ABCA4: variants seen among roughly 807,000 people sequenced by gnomAD.
The protein encoded by ABCA4 is ATP binding cassette subfamily A member 4.
A neutral mutation model predicts 263.7 loss-of-function variants in ABCA4; 196 were observed. The ratio of observed to expected loss-of-function variants is 0.74; its 90% CI spans 0.66 to 0.84. The LOEUF (loss-of-function observed/expected upper bound fraction) is 0.84, where lower values mean the gene tolerates loss of function less well. Ranked by LOEUF, ABCA4 falls within the 40% of genes least tolerant of loss-of-function variation. The pLI is 0.00. For synonymous variants in ABCA4, 1,133 were observed against 1,094.2 expected, an observed-to-expected ratio of 1.04 and a Z score of -0.70; for missense variants, 2,792 against 2,855.1, an observed-to-expected ratio of 0.98 and a Z score of 0.50.
Position 94,009,700 on chromosome 1 carries a change from T to G in ABCA4, c.5715-829A>C, listed in dbSNP as rs181629780. ...ACCTTCTGGAAGCCAGGGACTATGG[T>G]GTACTTCTCTGGTCCTCTTTAGGCC... is the stretch of plus-strand genomic sequence containing the variant. On this transcript the variant is annotated intron_variant, in intron 40 of 49. Transcript: ENST00000370225. 4.6e-5 allele frequency among the ~76,000 whole-genome samples: 7 copies of G among 152,302 alleles called. No homozygotes were observed. The East Asian group carries it at 1.4e-3, about 29-fold the overall frequency.
intron 6 of ABCA4, among the ~76,000 whole-genome samples, chr1:94,094,137 G>A (rs1198509110): frequency 6.6e-6 from 1 of 152,102 alleles, no homozygotes; most frequent in Admixed American, 6.5e-5. Flanking sequence ...TGTAGCTGTG[G>A]GGGCTTTCCC....
intron 30 of ABCA4, among the ~76,000 whole-genome samples, chr1:94,025,929 A>G (rs1286908700): frequency 6.6e-6 from 1 of 152,224 alleles, no homozygotes; most frequent in Non-Finnish European, 1.5e-5. Flanking sequence ...TTGATTTGTG[A>G]CATTAATGAA....
intron 38 of ABCA4, among the ~76,000 whole-genome samples, 172 bp downstream of exon 38, chr1:94,014,359 GAGGAAGGAAGGA>G (rs1659660267): frequency 7.0e-6 from 1 of 143,152 alleles, no homozygotes; most frequent in African/African-American, 2.9e-5. Flanking sequence ...AAGAAGGAAA[GAGGAAGGAAGGA>G]TGGGAGGAAG....
At chr1:94,009,975 C>T (rs1428733332) in intron 40 of ABCA4, among the ~76,000 whole-genome samples, 1 of 152,234 alleles carries the variant, frequency 6.6e-6, no homozygotes, top group Non-Finnish European at 1.5e-5. Context: ...TGATCTCATT[C>T]ACCTCTCACA....
intron 6 of ABCA4, among the ~76,000 whole-genome samples, chr1:94,085,360 A>G (rs1661802538): frequency 6.6e-6 from 1 of 152,226 alleles, no homozygotes; most frequent in Admixed American, 6.5e-5. Flanking sequence ...CTTTTTTCCT[A>G]CAATAAAACG....
At chr1:94,020,434 G>A (rs1378453639) in intron 35 of ABCA4, among the ~76,000 whole-genome samples, 1 of 152,204 alleles carries the variant, frequency 6.6e-6, no homozygotes, top group Non-Finnish European at 1.5e-5. Flanking sequence ...TATCCTATGT[G>A]GTAGTCACTA....
Position 94,032,054 on chromosome 1 carries a change from A to G in ABCA4, c.3863-11T>C. The G allele has an allele frequency of 6.2e-7, 1 of 1,606,914 alleles. No individual in the cohort carries two copies. Among genetic ancestry groups the G allele is most frequent in the South Asian group, 1.1e-5 (1 of 91,052 alleles). On this transcript the variant is annotated splice_polypyrimidine_tract_variant and intron_variant, in intron 26 of 49. Coordinates refer to ENST00000370225, the MANE Select transcript of ABCA4 (RefSeq NM_000350.3). Reference sequence around the variant, plus strand: ...TCTGCTGAGCGCCACCTGTTTTGAGAGATTGAATTAATAATTTGGAAAATG... The same window carrying G: ...TCTGCTGAGCGCCACCTGTTTTGAGGGATTGAATTAATAATTTGGAAAATG...
In ABCA4 at chr1:94,047,337, C is replaced by T. The variant is rs544830; in HGVS notation, c.2744-244G>A. 0.41 allele frequency among the ~76,000 whole-genome samples: 62,821 copies of T among 152,060 alleles called. 13,871 individuals carry two copies. The highest frequency in any genetic ancestry group is 0.5 in the Non-Finnish European group (33,923 of 67,972). The stretch of plus-strand genomic sequence containing the variant: ...CACAAATTACCTCAATGTACTCTTA[C>T]AATGGTCCTAAGGGGTAGACATTTA... On this transcript the variant is annotated intron_variant, in intron 18 of 49. Transcript: ENST00000370225.
chr1:94,053,763 A>T (rs1401386128), intron 16 of ABCA4, among the ~76,000 whole-genome samples: 1 of 152,252 alleles, frequency 6.6e-6, no homozygotes, highest in Non-Finnish European at 1.5e-5. Context: ...CTGTTGTCTA[A>T]GCTGCCCAGT....
At chr1:94,050,716 G>A (rs1223378071) in intron 17 of ABCA4, among the ~76,000 whole-genome samples, 3 of 151,518 alleles carry the variant, frequency 2.0e-5, no homozygotes, top group African/African-American at 4.8e-5. Context: ...TCAATACAAT[G>A]AAAAAATCCT....
chr1:94,011,517 C>T (rs1571250340), intron 38 of ABCA4, 132 bp from the exon 39 acceptor site: 1 of 1,430,472 alleles, frequency 7.0e-7, no homozygotes, highest in South Asian at 1.2e-5. Context: ...TGCAGCCAGA[C>T]TGGCCACTGG....
chr1:94,045,000 T>A (rs768589678), intron 19 of ABCA4, among the ~76,000 whole-genome samples: 3 of 152,230 alleles, frequency 2.0e-5, no homozygotes, highest in Non-Finnish European at 2.9e-5. Flanking sequence ...GCCGAGGGCC[T>A]TTGGGATTCC....
chr1:94,001,502 C>T (rs1389781761), intron 45 of ABCA4: 3 of 545,896 alleles, frequency 5.5e-6, no homozygotes, highest in Admixed American at 2.3e-5. Flanking sequence ...CAGGCCTGGC[C>T]TGGCTCAGCT....
chr1:94,108,133 T>C (rs1435475186), intron 4 of ABCA4, among the ~76,000 whole-genome samples: 2 of 152,232 alleles, frequency 1.3e-5, no homozygotes, highest in Non-Finnish European at 2.9e-5. Flanking sequence ...TGCATATTTA[T>C]GTCATGATAA....
In ABCA4 at chr1:94,024,992, G is replaced by C; in HGVS notation, c.4596C>G (p.Asp1532Glu). 6.2e-7 allele frequency: 1 copy of C among 1,614,204 alleles called. No homozygotes were observed. The highest frequency in any genetic ancestry group is 8.5e-7 in the Non-Finnish European group (1 of 1,180,034). ...LQDLTDRNIS[D>E]FLVKTYPALI... ...GAGCAGGATACGTTTTTACCAAGAA[G>C]TCGGAGATGTTCCTGTCCGTCAGGT... The change falls in exon 31 of 50, where the codon GAC (aspartate) becomes GAG (glutamate). Residue 1532 changes from aspartate (D) to glutamate (E), a missense_variant. By Grantham distance (45) the Asp-to-Glu change is conservative. Transcript: ENST00000370225.
chr1:94,094,376 CTTCCTGGAACTCAACGT>C (rs1557801651), intron 6 of ABCA4, among the ~76,000 whole-genome samples: 1 of 152,156 alleles, frequency 6.6e-6, no homozygotes, highest in African/African-American at 2.4e-5. Flanking sequence ...GGGCCCTTTT[CTTCCTGGAACTCAACGT>C]CCAGCCACCC....
intron 18 of ABCA4, among the ~76,000 whole-genome samples, chr1:94,047,332 T>A (rs879903132): frequency 6.6e-6 from 1 of 152,214 alleles, no homozygotes; most frequent in African/African-American, 2.4e-5. Flanking sequence ...CTCAATGTAC[T>A]CTTACAATGG....
At chr1:94,055,904 C>G (rs953769789) in intron 15 of ABCA4, among the ~76,000 whole-genome samples, 7 of 152,286 alleles carry the variant, frequency 4.6e-5, no homozygotes, top group Admixed American at 1.3e-4. Flanking sequence ...AGCACAGAGA[C>G]AGGGAGACTC....
chr1:93,994,884 G>A (rs568657667), intron 49 of ABCA4, among the ~76,000 whole-genome samples: 28 of 152,362 alleles, frequency 1.8e-4, no homozygotes, highest in Admixed American at 5.9e-4. Flanking sequence ...TCCTTTAAGA[G>A]GGAACATGCC....
Sources: allele counts gnomAD v4.1 joint callset (sites outside exome capture counted in the v4.1 genomes callset), GRCh38; gene constraint gnomAD v4.1.1; transcripts MANE v1.5; gene names NCBI Gene and HGNC (gene_info 2026-07-23, HGNC 2026-07-21).